GPR158: variants seen among roughly 807,000 people sequenced by gnomAD.
The protein encoded by GPR158 is G protein-coupled receptor 158.
Under a neutral mutation model 78.2 loss-of-function variants are expected in GPR158, and 30 were observed. That is an observed-to-expected ratio of 0.38 (90% CI 0.29 to 0.52). The LOEUF (loss-of-function observed/expected upper bound fraction) is 0.52, where lower values mean the gene tolerates loss of function less well. Ranked by LOEUF, GPR158 falls within the 20% of genes least tolerant of loss-of-function variation. The pLI, the probability that GPR158 is intolerant of heterozygous loss-of-function variation, is 0.83. For synonymous variants in GPR158, 581 were observed against 591.1 expected (o/e 0.98, Z 0.25); for missense variants, 1,463 against 1,523.5 (o/e 0.96, Z 0.66).
At chr10:25,253,808 A>T (rs1853850218) in intron 2 of GPR158, among the ~76,000 whole-genome samples, 1 of 152,194 alleles carries the variant, frequency 6.6e-6, no homozygotes. Flanking sequence ...TTCCTTTTCG[A>T]AGAAAATTAT....
chr10:25,200,868 G>GTTTTTTTTT (rs56696555), intron 1 of GPR158, among the ~76,000 whole-genome samples: 4 of 113,300 alleles, frequency 3.5e-5, no homozygotes, highest in Non-Finnish European at 7.8e-5. Flanking sequence ...TTTTTGTTTT[G>GTTTTTTTTT]TTTTTTTTTT....
At chr10:25,453,209 A>G (rs1454062309) in intron 4 of GPR158, among the ~76,000 whole-genome samples, 4 of 152,208 alleles carry the variant, frequency 2.6e-5, no homozygotes, top group Non-Finnish European at 2.9e-5. Context: ...CCGCTTCGAC[A>G]TACTGATTTC....
At chr10:25,318,049 A>G (rs1854886272) in intron 2 of GPR158, among the ~76,000 whole-genome samples, 1 of 152,158 alleles carries the variant, frequency 6.6e-6, no homozygotes. Flanking sequence ...TTGTTCTTGT[A>G]CTTCCTTGTA....
Position 25,241,310 on chromosome 10 carries a change from T to TC in GPR158, c.1008+20153_1008+20154insC, listed in dbSNP as rs1312981348. On this transcript the variant is annotated intron_variant, in intron 2 of 10. Transcript: ENST00000376351. ...TTTTCTTTTCTTTTCTTTTCTTTTCTTTTCTCTTCTCTTCTCTTCTCTTCT... is the reference window on the plus strand; with the variant it reads ...TTTTCTTTTCTTTTCTTTTCTTTTCTCTTTCTCTTCTCTTCTCTTCTCTTCT... Among the ~76,000 whole-genome samples, 639 of 139,240 alleles carry TC rather than the reference T, an allele frequency of 4.6e-3. 23 individuals are homozygous for TC. Among genetic ancestry groups the TC allele is most frequent in the African/African-American group, 0.017 (564 of 33,536 alleles). 91.3% of individuals were successfully genotyped at this position (139,240 alleles called of 152,430 possible).
intron 5 of GPR158, among the ~76,000 whole-genome samples, chr10:25,539,377 G>A (rs1475682206): frequency 6.6e-6 from 1 of 152,110 alleles, no homozygotes; most frequent in Non-Finnish European, 1.5e-5. Context: ...TCTTATTCTG[G>A]TTCAGAGAAT....
At chr10:25,533,333 ATCAT>A (rs985446209) in intron 5 of GPR158, among the ~76,000 whole-genome samples, 29 of 152,228 alleles carry the variant, frequency 1.9e-4, no homozygotes, top group African/African-American at 5.8e-4. Context: ...TAAGAAAAAA[ATCAT>A]TCAGTCTCTG....
chr10:25,490,378 G>C (rs993428292), intron 5 of GPR158, among the ~76,000 whole-genome samples: 11 of 145,104 alleles, frequency 7.6e-5, no homozygotes, highest in Admixed American at 2.8e-4. Flanking sequence ...TGCCATGCTG[G>C]TGCGCTGCAC....
intron 2 of GPR158, among the ~76,000 whole-genome samples, chr10:25,265,711 G>A (rs1003343613): frequency 6.6e-6 from 1 of 152,148 alleles, no homozygotes; most frequent in Non-Finnish European, 1.5e-5. Context: ...AGAGGGAACA[G>A]GTACGAAAAC....
intron 2 of GPR158, among the ~76,000 whole-genome samples, chr10:25,328,927 C>CA (rs3054026): frequency 0.049 from 4,366 of 88,828 alleles, 203 homozygotes; most frequent in African/African-American, 0.06. Flanking sequence ...AACTTCATCA[C>CA]AAAAAAAAAA....
intron 4 of GPR158, among the ~76,000 whole-genome samples, chr10:25,417,297 C>T (rs1273269944): frequency 6.6e-6 from 1 of 152,102 alleles, no homozygotes; most frequent in Non-Finnish European, 1.5e-5. Context: ...GTGGGGGTGT[C>T]ATAATTTGGT....
intron 6 of GPR158, among the ~76,000 whole-genome samples, chr10:25,570,647 C>T (rs937691464): frequency 2.0e-5 from 3 of 152,138 alleles, no homozygotes; most frequent in Non-Finnish European, 2.9e-5. Flanking sequence ...CACGGTGGCT[C>T]TCGCCTGTAA....
At chr10:25,561,584 T>C (rs1482933363) in intron 6 of GPR158, among the ~76,000 whole-genome samples, 1 of 152,232 alleles carries the variant, frequency 6.6e-6, no homozygotes, top group African/African-American at 2.4e-5. Context: ...TAAGCTTTTA[T>C]GCCAAACTTT....
chr10:25,382,168 A>T (rs1245318697), intron 2 of GPR158, among the ~76,000 whole-genome samples: 1 of 152,166 alleles, frequency 6.6e-6, no homozygotes, highest in Non-Finnish European at 1.5e-5. Flanking sequence ...CATACAAAGA[A>T]TTTACGTTTG....
chr10:25,198,211 G>A (rs1264995170), intron 1 of GPR158, among the ~76,000 whole-genome samples: 1 of 152,148 alleles, frequency 6.6e-6, no homozygotes, highest in Non-Finnish European at 1.5e-5. Context: ...TATATTTATT[G>A]ACTTTATCAA....
chr10:25,464,853 A>T lies in GPR158; in HGVS notation c.1336-1798A>T, dbSNP rs374879580. 7.9e-5 allele frequency among the ~76,000 whole-genome samples: 12 copies of T among 152,336 alleles called. No individual in the cohort carries two copies. The East Asian group carries it at 1.7e-3, about 22-fold the overall frequency. ...GCATACTATGCAAATGTACCTTGCC[A>T]CTTTGGAAATTCTGCCAGCCAAAAC... On this transcript the variant is annotated intron_variant, in intron 4 of 10. Transcript: ENST00000376351.
intron 5 of GPR158, among the ~76,000 whole-genome samples, chr10:25,490,881 A>G (rs1835800869): frequency 6.6e-6 from 1 of 152,196 alleles, no homozygotes; most frequent in South Asian, 2.1e-4. Context: ...TGTATACACA[A>G]AATAATACGC....
rs545875547 is a variant in GPR158, at chr10:25,513,212, C to T, written c.1405-37764C>T. On this transcript the variant is annotated intron_variant, in intron 5 of 10. Coordinates refer to ENST00000376351, the MANE Select transcript of GPR158 (RefSeq NM_020752.3). ...AATTTTTTAATTATAATTTCAGTCT[C>T]GCTGTTTGCCATTGGTCTGTTCAGA... Among the ~76,000 whole-genome samples, 7 of 151,194 alleles carry T rather than the reference C, an allele frequency of 4.6e-5. No homozygotes were observed. The South Asian group carries it at 1.0e-3, about 23-fold the overall frequency.
chr10:25,379,166 C>A (rs1463008018), intron 2 of GPR158, among the ~76,000 whole-genome samples: 1 of 152,132 alleles, frequency 6.6e-6, no homozygotes, highest in African/African-American at 2.4e-5. Flanking sequence ...CTATTACCAT[C>A]TTCTATCATC....
At chr10:25,236,034 T>C (rs901871237) in intron 2 of GPR158, among the ~76,000 whole-genome samples, 1 of 151,998 alleles carries the variant, frequency 6.6e-6, no homozygotes, top group Non-Finnish European at 1.5e-5. Context: ...CCAACCTCCA[T>C]AGCACTTTGT....
Sources: allele counts gnomAD v4.1 joint callset (sites outside exome capture counted in the v4.1 genomes callset), GRCh38; gene constraint gnomAD v4.1.1; transcripts MANE v1.5; gene names NCBI Gene and HGNC (gene_info 2026-07-23, HGNC 2026-07-21).